ATP2B2: variants seen among roughly 807,000 people sequenced by gnomAD.
ATP2B2 encodes the protein ATPase plasma membrane Ca2+ transporting 2.
In ATP2B2, 15 loss-of-function variants were observed where a neutral mutation model predicts 120.0. That is an observed-to-expected ratio of 0.12 (90% CI 0.08 to 0.19). The LOEUF (loss-of-function observed/expected upper bound fraction) is 0.19. ATP2B2 is among the 10% of genes least tolerant of loss of function. The pLI is 1.00. For synonymous variants in ATP2B2, 694 were observed against 700.3 expected (o/e 0.99, Z 0.14); for missense variants, 1,045 against 1,719.8 (o/e 0.61, Z 6.94).
chr3:10,684,407 C>A (rs1275859670), intron 1 of ATP2B2, among the ~76,000 whole-genome samples: 1 of 152,178 alleles, frequency 6.6e-6, no homozygotes, highest in Non-Finnish European at 1.5e-5. Flanking sequence ...GTGCCTGACA[C>A]CCTCATCCTT....
chr3:10,541,073 T>C (rs569251416), intron 2 of ATP2B2, among the ~76,000 whole-genome samples: 3 of 152,288 alleles, frequency 2.0e-5, no homozygotes, highest in South Asian at 2.1e-4. Flanking sequence ...GTATTCCTTA[T>C]TGTATTGATG....
chr3:10,408,610 C>T (rs2062499143), intron 3 of ATP2B2, among the ~76,000 whole-genome samples: 3 of 152,206 alleles, frequency 2.0e-5, no homozygotes, highest in Admixed American at 6.5e-5. Flanking sequence ...GCCAGACAGA[C>T]TCGGGTTGAA....
At chr3:10,499,931 CTTTT>C (rs57211710) in intron 1 of ATP2B2, among the ~76,000 whole-genome samples, 3 of 117,604 alleles carry the variant, frequency 2.6e-5, no homozygotes. Context: ...TGGGCACATT[CTTTT>C]TTTTTTTTTT....
chr3:10,512,464 G>GCGCACACAGACACACAGACACACA (rs749056818), intron 3 of ATP2B2, among the ~76,000 whole-genome samples: 10 of 137,026 alleles, frequency 7.3e-5, no homozygotes, highest in African/African-American at 2.6e-4. Context: ...AAGTGTGTGC[G>GCGCACACAGACACACAGACACACA]CACACACACA....
chr3:10,390,197 C>T (rs748630030), intron 5 of ATP2B2, among the ~76,000 whole-genome samples: 28 of 152,202 alleles, frequency 1.8e-4, no homozygotes, highest in Non-Finnish European at 3.5e-4. Flanking sequence ...TTCTGCTTTT[C>T]AGAGTTCTCT....
chr3:10,338,440 C>T (rs2060187015), intron 21 of ATP2B2, 82 bp from the exon 22 acceptor site: 1 of 1,446,314 alleles, frequency 6.9e-7, no homozygotes, highest in South Asian at 1.2e-5. Context: ...CCTCTACCTC[C>T]CTCCTCCTAC....
At chr3:10,393,656 G>A (rs2061932466) in intron 5 of ATP2B2, among the ~76,000 whole-genome samples, 2 of 152,214 alleles carry the variant, frequency 1.3e-5, no homozygotes, top group South Asian at 4.1e-4. Flanking sequence ...AGCGTGGTGG[G>A]GAGCTGCCAG....
intron 2 of ATP2B2, among the ~76,000 whole-genome samples, chr3:10,615,836 G>A (rs1055769782): frequency 5.3e-5 from 8 of 152,262 alleles, no homozygotes; most frequent in African/African-American, 1.9e-4. Context: ...CTTCATGAGA[G>A]TTTCTTAGTA....
At chr3:10,621,173 C>A (rs1479490199) in intron 1 of ATP2B2, among the ~76,000 whole-genome samples, 1 of 152,202 alleles carries the variant, frequency 6.6e-6, no homozygotes, top group African/African-American at 2.4e-5. Flanking sequence ...GGCCCTGATC[C>A]TCCCTTCCCC....
rs1055494097 is a variant in ATP2B2, at chr3:10,402,783, A to G, written c.398-435T>C. 3.3e-5 allele frequency among the ~76,000 whole-genome samples: 5 copies of G among 152,186 alleles called. No homozygotes were observed. Among genetic ancestry groups the G allele is most frequent in the African/African-American group, 1.2e-4 (5 of 41,434 alleles). ...AGAATATTCTCTATCTCGGGGACCT[A>G]TTGTCAGAGTTGAAATTTAATGTGG... On this transcript the variant is annotated intron_variant, in intron 3 of 22. Transcript: ENST00000360273. The surrounding 1 kb of genome is among the most constrained non-coding windows in gnomAD (Gnocchi z 4.9).
At chr3:10,483,107 G>T (rs1276803858) in intron 1 of ATP2B2, among the ~76,000 whole-genome samples, 3 of 152,234 alleles carry the variant, frequency 2.0e-5, no homozygotes, top group Non-Finnish European at 4.4e-5. Flanking sequence ...TCACTCACGT[G>T]TCATCTATCC....
chr3:10,526,394 G>C (rs892176365), intron 3 of ATP2B2, among the ~76,000 whole-genome samples: 1 of 152,194 alleles, frequency 6.6e-6, no homozygotes, highest in East Asian at 1.9e-4. Context: ...GTTCCTTGGG[G>C]TGCAAGGAGC....
At chr3:10,473,584 T>C (rs2125293494) in intron 1 of ATP2B2, among the ~76,000 whole-genome samples, 1 of 152,302 alleles carries the variant, frequency 6.6e-6, no homozygotes, top group Middle Eastern at 3.4e-3. Flanking sequence ...TGAGCCAAGA[T>C]TGCACCACTG....
rs2060433817 is a variant in ATP2B2 at position 10,346,411 on chromosome 3, T to G, written c.2405-274A>C. The stretch of plus-strand genomic sequence containing the variant: ...CCCCCTCTTTGCTGTCTGCAACCTG[T>G]GGCCACATTGGCATCCATCCTAACC... On this transcript the variant is annotated intron_variant, in intron 16 of 22. Coordinates refer to ENST00000360273, the MANE Select transcript of ATP2B2 (RefSeq NM_001001331.4). This position sits in a 1 kb window ranked among gnomAD's most constrained non-coding sequence, Gnocchi z 4.1. Among the ~76,000 whole-genome samples the G allele has an allele frequency of 6.6e-6, 1 of 152,216 alleles. No individual in the cohort carries two copies. Among genetic ancestry groups the G allele is most frequent in the African/African-American group, 2.4e-5 (1 of 41,456 alleles).
chr3:10,512,464 G>GCGCGCGCACACACA lies in ATP2B2; in HGVS notation c.-320+21574_-320+21575insTGTGTGTGCGCGCG, dbSNP rs749056818. ...TATTCCTGGGTGCTAAAGTGTGTGC[G>GCGCGCGCACACACA]CACACACACACACACACACACACAC... On this transcript the variant is annotated intron_variant, in intron 3 of 21. Transcript: ENST00000646379. Among the ~76,000 whole-genome samples the GCGCGCGCACACACA allele has an allele frequency of 1.1e-3, 151 of 136,972 alleles. 1 individual carries two copies. Among genetic ancestry groups the GCGCGCGCACACACA allele is most frequent in the African/African-American group, 3.8e-3 (131 of 34,620 alleles). The allele number at this position is 136,972 out of a possible 152,430, so 89.9% of individuals were successfully genotyped here. A position where few individuals can be genotyped will look rare whatever the true frequency, so the allele number is the denominator to read the frequency against.
At chr3:10,525,624 T>C (rs969354996) in intron 3 of ATP2B2, among the ~76,000 whole-genome samples, 1 of 152,204 alleles carries the variant, frequency 6.6e-6, no homozygotes, top group African/African-American at 2.4e-5. Flanking sequence ...TTAGTCACCA[T>C]GTCTCCTTAG....
At chr3:10,441,803 G>A (rs1439001416) in intron 2 of ATP2B2, among the ~76,000 whole-genome samples, 1 of 152,210 alleles carries the variant, frequency 6.6e-6, no homozygotes, top group Non-Finnish European at 1.5e-5. Context: ...GAAGCAGGGG[G>A]AAGCAATGGA....
intron 2 of ATP2B2, among the ~76,000 whole-genome samples, chr3:10,589,651 C>T (rs1044468503): frequency 1.4e-4 from 22 of 152,188 alleles, no homozygotes; most frequent in African/African-American, 5.3e-4. Flanking sequence ...ATAGACCCAG[C>T]CCTTGATGAA....
chr3:10,547,604 G>A (rs139011950), intron 2 of ATP2B2, among the ~76,000 whole-genome samples: 54 of 152,318 alleles, frequency 3.5e-4, no homozygotes, highest in African/African-American at 1.3e-3. Context: ...TTTCACAGAT[G>A]AGAAAACAGG....
Sources: gnomAD v4.1 joint callset for allele counts (sites outside exome capture counted in the v4.1 genomes callset) on GRCh38, gnomAD v4.1.1 for gene constraint, Gnocchi (gnomAD v3.1) non-coding constraint, MANE v1.5 for transcripts, NCBI Gene and HGNC (gene_info 2026-07-23, HGNC 2026-07-21) for gene names.